Variants in NR3C2 observed in about 807,000 individuals in gnomAD.
NR3C2 encodes the protein nuclear receptor subfamily 3 group C member 2, also known as mineralocorticoid receptor.
NR3C2 carries 15 observed loss-of-function variants against 86.4 expected under a neutral mutation model. The observed-to-expected ratio is 0.17, with a 90% CI of 0.12 to 0.27. NR3C2 has a LOEUF of 0.27. Ranked by LOEUF, NR3C2 falls within the 10% of genes least tolerant of loss-of-function variation. The pLI is 1.00. For synonymous variants in NR3C2, 458 were observed against 450.5 expected (o/e 1.02, Z -0.21); for missense variants, 960 against 1,195.6 (o/e 0.80, Z 2.91).
In NR3C2 at chr4:148,435,120, G is replaced by T; in HGVS notation, c.1741C>A (p.Pro581Thr). Reference protein sequence around the residue: ...SDGYPVLEYIPENVSSSTLRS... With the variant: ...SDGYPVLEYITENVSSSTLRS... Reference sequence around the variant, plus strand: ...CCAACTTACCTTGATACATTTTCTGGAATGTATTCTAAGACCGGATACCCA... The same window carrying T: ...CCAACTTACCTTGATACATTTTCTGTAATGTATTCTAAGACCGGATACCCA... Residue 581 changes from proline (P) to threonine (T), a missense_variant, in exon 2 of 9, where the codon CCA becomes ACA. Pro to Thr is a conservative substitution (Grantham distance 38). Coordinates refer to ENST00000358102, the MANE Select transcript of NR3C2 (RefSeq NM_000901.5). 6.2e-7 allele frequency: 1 copy of T among 1,614,128 alleles called. No individual in the cohort carries two copies. Among genetic ancestry groups the T allele is most frequent in the Non-Finnish European group, 8.5e-7 (1 of 1,179,992 alleles).
At chr4:148,330,386 T>TATTG (rs1380267651) in intron 2 of NR3C2, among the ~76,000 whole-genome samples, 3 of 152,204 alleles carry the variant, frequency 2.0e-5, no homozygotes, top group Non-Finnish European at 4.4e-5. Flanking sequence ...TAACCAGCTC[T>TATTG]ATTTTATCGA....
At chr4:148,182,030 G>A in intron 4 of NR3C2, among the ~76,000 whole-genome samples, 1 of 152,160 alleles carries the variant, frequency 6.6e-6, no homozygotes, top group Non-Finnish European at 1.5e-5. Context: ...ATATTCTCTA[G>A]TATTTTGGAT....
chr4:148,358,641 A>T (rs1229673060), intron 2 of NR3C2, among the ~76,000 whole-genome samples: 1 of 152,074 alleles, frequency 6.6e-6, no homozygotes, highest in East Asian at 1.9e-4. Flanking sequence ...AAAATAAAAA[A>T]AAAAATAAAA....
intron 2 of NR3C2, among the ~76,000 whole-genome samples, chr4:148,332,463 C>T (rs982935447): frequency 1.3e-5 from 2 of 152,124 alleles, no homozygotes; most frequent in African/African-American, 4.8e-5. Context: ...TATGAATATA[C>T]GTCCCTCCCA....
chr4:148,393,958 G>T (rs1360881624), intron 2 of NR3C2, among the ~76,000 whole-genome samples: 1 of 152,172 alleles, frequency 6.6e-6, no homozygotes, highest in African/African-American at 2.4e-5. Flanking sequence ...GGCCAGCAGG[G>T]CTAGGCAGAA....
chr4:148,319,082 G>A (rs1743399219), intron 2 of NR3C2, among the ~76,000 whole-genome samples: 1 of 151,632 alleles, frequency 6.6e-6, no homozygotes, highest in African/African-American at 2.4e-5. Flanking sequence ...TCCAGTTTCA[G>A]CTTTCTACAT....
intron 3 of NR3C2, among the ~76,000 whole-genome samples, chr4:148,218,093 A>T (rs1449420056): frequency 2.6e-5 from 4 of 152,224 alleles, no homozygotes; most frequent in African/African-American, 9.6e-5. Flanking sequence ...AGTTACCAAC[A>T]TTTGATTTCA....
chr4:148,240,353 C>T (rs746842960), intron 3 of NR3C2, among the ~76,000 whole-genome samples: 1 of 151,556 alleles, frequency 6.6e-6, no homozygotes, highest in East Asian at 1.9e-4. Flanking sequence ...TGTAGATTAG[C>T]CATATTTCAA....
At chr4:148,102,834 A>AC (rs1326985976) in intron 8 of NR3C2, among the ~76,000 whole-genome samples, 1 of 152,102 alleles carries the variant, frequency 6.6e-6, no homozygotes, top group Non-Finnish European at 1.5e-5. Flanking sequence ...TGTGTTCAGG[A>AC]GACTCATTTT....
At chr4:148,232,326 T>C (rs1344700805) in intron 3 of NR3C2, among the ~76,000 whole-genome samples, 2 of 152,214 alleles carry the variant, frequency 1.3e-5, no homozygotes, top group African/African-American at 4.8e-5. Flanking sequence ...AATGGATGTG[T>C]GTTAGCAGGC....
intron 3 of NR3C2, among the ~76,000 whole-genome samples, chr4:148,214,479 A>G (rs1018946048): frequency 1.3e-5 from 2 of 152,206 alleles, no homozygotes. Context: ...CCAAATCATG[A>G]TCTAGGTCCC....
Position 148,154,860 on chromosome 4 carries a change from C to T in NR3C2, c.2056G>A (p.Glu686Lys), listed in dbSNP as rs1049898194. ...KKLGKLKGIHEEQPQQQQPPP... is the reference protein window; with the variant it reads ...KKLGKLKGIHKEQPQQQQPPP... ...GGCTGCTGCTGCTGTGGCTGCTCCT[C>T]GTGAATCCCTTTTAACTTTCCCAAC... The change falls in exon 5 of 9, where the codon GAG becomes AAG. Residue 686 changes from glutamate (E) to lysine (K), a missense_variant. By Grantham distance (56) the Glu-to-Lys change is moderately conservative. Transcript: ENST00000358102. 11 of 1,582,704 alleles carry T rather than the reference C, an allele frequency of 7.0e-6. No homozygotes were observed. The highest frequency in any genetic ancestry group is 3.6e-5 in the Admixed American group (2 of 55,776).
chr4:148,442,534 A>G, upstream of NR3C2: 1 of 500,850 alleles, frequency 2.0e-6, no homozygotes, highest in Non-Finnish European at 2.6e-6. Flanking sequence ...AGCGGGTCAC[A>G]TGTCCAGATA....
intron 2 of NR3C2, among the ~76,000 whole-genome samples, chr4:148,405,852 A>G (rs530535961): frequency 5.3e-5 from 8 of 152,312 alleles, no homozygotes; most frequent in East Asian, 3.9e-4. Flanking sequence ...AAGTCTCAGT[A>G]AGGAGAGTCA....
At chr4:148,139,169 T>C (rs1733493761) in intron 6 of NR3C2, among the ~76,000 whole-genome samples, 1 of 152,214 alleles carries the variant, frequency 6.6e-6, no homozygotes, top group Non-Finnish European at 1.5e-5. Flanking sequence ...AAACCATCAT[T>C]AGGCTCCAAA....
intron 3 of NR3C2, among the ~76,000 whole-genome samples, chr4:148,240,258 A>G (rs1490415033): frequency 6.8e-6 from 1 of 147,780 alleles, no homozygotes; most frequent in Non-Finnish European, 1.5e-5. Context: ...ATATTTATAT[A>G]TAAATATATA....
chr4:148,211,272 A>AT (rs1479529555), intron 3 of NR3C2, among the ~76,000 whole-genome samples: 1 of 152,258 alleles, frequency 6.6e-6, no homozygotes, highest in Non-Finnish European at 1.5e-5. Context: ...CCCGAAAAAT[A>AT]TAAGATTGTG....
chr4:148,301,803 T>C (rs1401698403), intron 2 of NR3C2, among the ~76,000 whole-genome samples: 1 of 152,224 alleles, frequency 6.6e-6, no homozygotes, highest in African/African-American at 2.4e-5. Flanking sequence ...AGCTCTTGGA[T>C]GCTACGGAGG....
At chr4:148,416,773 CT>C (rs879424244) in intron 2 of NR3C2, among the ~76,000 whole-genome samples, 2 of 151,344 alleles carry the variant, frequency 1.3e-5, no homozygotes, top group Admixed American at 1.3e-4. Context: ...TATGTATTTG[CT>C]TTTTTTTTCT....
Sources: gnomAD v4.1 joint callset for allele counts (sites outside exome capture counted in the v4.1 genomes callset) on GRCh38, gnomAD v4.1.1 for gene constraint, MANE v1.5 for transcripts, NCBI Gene and HGNC (gene_info 2026-07-23, HGNC 2026-07-21) for gene names.